ENTREP2: variants seen among roughly 807,000 people sequenced by gnomAD.
The protein encoded by ENTREP2 is protein ENTREP2.
the ENTREP2 span, among the ~76,000 whole-genome samples, chr15:29,577,313 GGTGTGT>G: frequency 3.7e-3 from 521 of 139,902 alleles, 1 homozygote; most frequent in Middle Eastern, 0.055. Flanking sequence ...GACTCAAAGA[GGTGTGT>G]GTGTGTGTGT....
the ENTREP2 span, among the ~76,000 whole-genome samples, chr15:29,415,536 C>A: frequency 7.2e-5 from 11 of 152,140 alleles, no homozygotes; most frequent in South Asian, 2.1e-3. Flanking sequence ...AACCCACAGC[C>A]AATATCATAC....
the ENTREP2 span, among the ~76,000 whole-genome samples, chr15:29,567,529 C>T: frequency 1.3e-5 from 2 of 152,186 alleles, no homozygotes; most frequent in South Asian, 2.1e-4. Flanking sequence ...GTCACTCATC[C>T]CTCTTCCCCT....
At chr15:29,348,842 G>A in the ENTREP2 span, among the ~76,000 whole-genome samples, 1 of 152,196 alleles carries the variant, frequency 6.6e-6, no homozygotes, top group Non-Finnish European at 1.5e-5. Context: ...TCTCCTATAA[G>A]TTAAGCGGTA....
the ENTREP2 span, among the ~76,000 whole-genome samples, chr15:29,636,663 A>G: frequency 2.6e-5 from 4 of 152,298 alleles, no homozygotes; most frequent in South Asian, 2.1e-4. Flanking sequence ...CAACCCTGAC[A>G]CCAACATAAT....
At chr15:29,396,023 A>T in the ENTREP2 span, among the ~76,000 whole-genome samples, 8 of 152,224 alleles carry the variant, frequency 5.3e-5, no homozygotes, top group Admixed American at 2.0e-4. Flanking sequence ...AATGTACAAC[A>T]TGATTCTGGT....
the ENTREP2 span, among the ~76,000 whole-genome samples, chr15:29,471,788 T>G: frequency 3.9e-5 from 6 of 152,198 alleles, no homozygotes; most frequent in Non-Finnish European, 8.8e-5. Flanking sequence ...TTTCTCAATC[T>G]TTTTTCTACC....
chr15:29,274,501 T>C, the ENTREP2 span, among the ~76,000 whole-genome samples: 8 of 152,150 alleles, frequency 5.3e-5, no homozygotes, highest in Non-Finnish European at 1.2e-4. Context: ...TGTACGATAC[T>C]GACACTCCTC....
At chr15:29,136,844 C>T in the ENTREP2 span, among the ~76,000 whole-genome samples, 1 of 152,212 alleles carries the variant, frequency 6.6e-6, no homozygotes, top group Non-Finnish European at 1.5e-5. Flanking sequence ...CAACACCTGT[C>T]TGCCTCCGGC....
At chr15:29,565,081 A>G in the ENTREP2 span, among the ~76,000 whole-genome samples, 1 of 152,330 alleles carries the variant, frequency 6.6e-6, no homozygotes, top group South Asian at 2.1e-4. Context: ...CACTATATTA[A>G]AAGTTTTAAA....
the ENTREP2 span, among the ~76,000 whole-genome samples, chr15:29,607,771 TA>T: frequency 1.3e-5 from 2 of 149,202 alleles, no homozygotes; most frequent in Admixed American, 6.6e-5. Flanking sequence ...CAGGGTTCCC[TA>T]GGGGGACAGA....
At chr15:29,643,774 C>G in the ENTREP2 span, among the ~76,000 whole-genome samples, 3 of 137,832 alleles carry the variant, frequency 2.2e-5, no homozygotes, top group Admixed American at 2.2e-4. Flanking sequence ...GAGCGAGACT[C>G]TGTCTCAAAA....
At chr15:29,632,478 G>T in the ENTREP2 span, among the ~76,000 whole-genome samples, 1 of 152,082 alleles carries the variant, frequency 6.6e-6, no homozygotes, top group Non-Finnish European at 1.5e-5. Flanking sequence ...TTACTAAAAT[G>T]ATAAAGAATC....
the ENTREP2 span, among the ~76,000 whole-genome samples, chr15:29,584,424 T>A: frequency 7.5e-6 from 1 of 133,364 alleles, no homozygotes; most frequent in Admixed American, 8.5e-5. Context: ...AGGAATTTTT[T>A]AAATGTATGT....
At chr15:29,630,216 T>C in the ENTREP2 span, among the ~76,000 whole-genome samples, 1 of 152,180 alleles carries the variant, frequency 6.6e-6, no homozygotes, top group Non-Finnish European at 1.5e-5. Context: ...CCTTCAGAAA[T>C]AAATGGTACT....
the ENTREP2 span, among the ~76,000 whole-genome samples, chr15:29,539,721 A>C: frequency 2.0e-5 from 3 of 152,170 alleles, no homozygotes; most frequent in Admixed American, 1.3e-4. Flanking sequence ...GCATTTACCT[A>C]AACAATGTTG....
At chr15:29,643,612 C>A in the ENTREP2 span, among the ~76,000 whole-genome samples, 1 of 151,964 alleles carries the variant, frequency 6.6e-6, no homozygotes, top group Non-Finnish European at 1.5e-5. Context: ...GAAACCCCAT[C>A]TCTACTGAAA....
chr15:29,397,390 T>TA, the ENTREP2 span, among the ~76,000 whole-genome samples: 1 of 151,470 alleles, frequency 6.6e-6, no homozygotes, highest in Non-Finnish European at 1.5e-5. Context: ...GACTCCATCT[T>TA]AAAAAAAGGA....
the ENTREP2 span, among the ~76,000 whole-genome samples, chr15:29,284,575 C>CAAT: frequency 7.6e-6 from 1 of 132,342 alleles, no homozygotes; most frequent in Non-Finnish European, 1.6e-5. Context: ...AAAAAAAAAC[C>CAAT]AAAAATAAAT....
the ENTREP2 span, among the ~76,000 whole-genome samples, chr15:29,322,580 G>C: frequency 2.8e-3 from 425 of 152,316 alleles, 5 homozygotes; most frequent in African/African-American, 9.9e-3. Flanking sequence ...CTTTCCTTTT[G>C]TTGCCCAGCA....
Sources: allele counts gnomAD v4.1 joint callset (sites outside exome capture counted in the v4.1 genomes callset), GRCh38; gene constraint gnomAD v4.1.1; transcripts MANE v1.5; gene names NCBI Gene and HGNC (gene_info 2026-07-23, HGNC 2026-07-21).